Variants in PNOC observed in about 807,000 individuals in gnomAD.
PNOC encodes the protein nociceptin.
In PNOC, 10 loss-of-function variants were observed where a neutral mutation model predicts 15.6. The observed-to-expected ratio is 0.64, with a 90% CI of 0.40 to 1.09. The LOEUF is 1.09. PNOC is among the 50% of genes least tolerant of loss of function. The probability of loss-of-function intolerance (pLI) is 0.01; values close to 1 mark genes in which losing one functional copy is unlikely to be tolerated. For synonymous variants in PNOC, 98 were observed against 88.5 expected (o/e 1.11, Z -0.60); for missense variants, 220 against 223.9 (o/e 0.98, Z 0.11).
intron 2 of PNOC, among the ~76,000 whole-genome samples, chr8:28,330,400 T>TTTTTTTA (rs1801309201): frequency 3.9e-5 from 4 of 102,228 alleles, no homozygotes; most frequent in Admixed American, 2.1e-4. Context: ...TATTTTATTT[T>TTTTTTTA]TTTTTTTTTT....
At position 28,338,670 on chromosome 8, in the gene PNOC, G is replaced by A. The variant is rs576902675; in HGVS notation, c.127-370G>A. 5.9e-6 allele frequency: 6 copies of A among 1,010,800 alleles called. No homozygotes were observed. The East Asian group carries it at 4.9e-4, about 83-fold the overall frequency. The allele number at this position is 1,010,800 out of a possible 1,614,324, so 62.6% of individuals were successfully genotyped here. ...GAGAGAACAAAATAAAATTCTTTAT[G>A]GGTGACAGTCATGAGCTGTGCTTGG... On this transcript the variant is annotated intron_variant, in intron 2 of 3. Transcript: ENST00000301908.
intron 2 of PNOC, among the ~76,000 whole-genome samples, chr8:28,334,035 C>G (rs942786231): frequency 4.0e-5 from 6 of 149,464 alleles, no homozygotes; most frequent in African/African-American, 1.5e-4. Context: ...CATCCCTGGC[C>G]TCTAGGTGCC....
rs1801554155 is a variant in PNOC at position 28,343,156 on chromosome 8, G to A, written c.*262G>A. On this transcript the variant is annotated 3_prime_UTR_variant, in exon 4 of 4. Transcript: ENST00000301908. ...AGAGTGTATTTTTGTAATTCCTCTA[G>A]CTACCATTTCAATAGCCCCATCTCT... 1 of 206,180 alleles carries A rather than the reference G, an allele frequency of 4.9e-6. No individual in the cohort carries two copies. The highest frequency in any genetic ancestry group is 8.5e-6 in the Non-Finnish European group (1 of 117,056). 12.8% of individuals were successfully genotyped at this position (206,180 alleles called of 1,614,324 possible). A position where few individuals can be genotyped will look rare whatever the true frequency, so the allele number is the denominator to read the frequency against.
intron 3 of PNOC, chr8:28,339,712 G>C (rs1242137552): frequency 2.7e-5 from 10 of 368,680 alleles, no homozygotes; most frequent in Non-Finnish European, 9.7e-6. Context: ...GGTTACCATG[G>C]GGATAATAGT....
At chr8:28,330,406 T>TTTATTTTA (rs1563328736) in intron 2 of PNOC, among the ~76,000 whole-genome samples, 3 of 98,206 alleles carry the variant, frequency 3.1e-5, no homozygotes, top group African/African-American at 1.7e-4. Context: ...ATTTTTTTTT[T>TTTATTTTA]TTTTTTGAGA....
intron 1 of PNOC, among the ~76,000 whole-genome samples, chr8:28,318,523 C>G (rs1344844066): frequency 6.6e-6 from 1 of 152,256 alleles, no homozygotes; most frequent in Non-Finnish European, 1.5e-5. Flanking sequence ...AAAGCAAATA[C>G]TGCTCTTTTT....
chr8:28,341,829 G>T (rs1378864577), intron 3 of PNOC, among the ~76,000 whole-genome samples: 1 of 152,130 alleles, frequency 6.6e-6, no homozygotes, highest in African/African-American at 2.4e-5. Flanking sequence ...TGCACAGTTG[G>T]TGAGTTCCAA....
At chr8:28,322,833 C>A (rs149817601) in intron 1 of PNOC, among the ~76,000 whole-genome samples, 1 of 152,142 alleles carries the variant, frequency 6.6e-6, no homozygotes, top group Non-Finnish European at 1.5e-5. Context: ...ACTTATAAAC[C>A]GGATGATCCT....
chr8:28,322,234 C>CA (rs914540370), intron 1 of PNOC, among the ~76,000 whole-genome samples: 4 of 151,118 alleles, frequency 2.6e-5, no homozygotes, highest in Non-Finnish European at 4.4e-5. Context: ...ACTAAAAATA[C>CA]AAAAAAAATT....
chr8:28,337,651 C>T (rs1231150065), intron 2 of PNOC, among the ~76,000 whole-genome samples: 12 of 145,492 alleles, frequency 8.2e-5, no homozygotes, highest in Admixed American at 1.4e-4. Context: ...GGCACGATCT[C>T]GGTTCACTGC....
intron 1 of PNOC, among the ~76,000 whole-genome samples, chr8:28,325,672 G>GAAAA (rs558412916): frequency 1.1e-5 from 1 of 94,482 alleles, no homozygotes; most frequent in Non-Finnish European, 2.5e-5. Context: ...AAAAGAAAAA[G>GAAAA]AAAAAAAAAA....
At chr8:28,330,400 T>TTTTTTTTTTTTTTTA (rs869258665) in intron 2 of PNOC, among the ~76,000 whole-genome samples, 9 of 102,224 alleles carry the variant, frequency 8.8e-5, no homozygotes, top group Non-Finnish European at 1.8e-4. Context: ...TATTTTATTT[T>TTTTTTTTTTTTTTTA]TTTTTTTTTT....
chr8:28,319,587 G>T (rs1037244763), intron 1 of PNOC, among the ~76,000 whole-genome samples: 2 of 152,180 alleles, frequency 1.3e-5, no homozygotes, highest in Admixed American at 6.5e-5. Flanking sequence ...GCTTGTCTAC[G>T]TGCTTATTTC....
chr8:28,331,667 C>A (rs1366785571), intron 2 of PNOC, among the ~76,000 whole-genome samples: 3 of 150,354 alleles, frequency 2.0e-5, no homozygotes, highest in Admixed American at 6.6e-5. Context: ...ACAGCCTCCT[C>A]CCCCATCCAT....
At chr8:28,328,068 T>C (rs1342059640) in intron 1 of PNOC, among the ~76,000 whole-genome samples, 4 of 135,302 alleles carry the variant, frequency 3.0e-5, no homozygotes, top group Non-Finnish European at 4.7e-5. Flanking sequence ...TCTTTTTTTT[T>C]TTTTTTTTTT....
At chr8:28,338,129 A>G (rs2129901908) in intron 2 of PNOC, among the ~76,000 whole-genome samples, 1 of 152,306 alleles carries the variant, frequency 6.6e-6, no homozygotes, top group East Asian at 1.9e-4. Context: ...TGGGGTTTCC[A>G]GCCGGCTAAG....
At chr8:28,334,293 T>C (rs1801376637) in intron 2 of PNOC, among the ~76,000 whole-genome samples, 3 of 152,318 alleles carry the variant, frequency 2.0e-5, no homozygotes, top group South Asian at 2.1e-4. Context: ...ACTCTTTCTC[T>C]GTAGGAGTCT....
At chr8:28,338,516 C>A (rs755903252) in intron 2 of PNOC, 12 of 805,640 alleles carry the variant, frequency 1.5e-5, no homozygotes, top group Non-Finnish European at 1.8e-5. Flanking sequence ...GACTGCTGTA[C>A]GCGGGATGAA....
chr8:28,338,472 C>A (rs1484678078), intron 2 of PNOC: 15 of 469,158 alleles, frequency 3.2e-5, no homozygotes, highest in Non-Finnish European at 3.9e-5. Context: ...AGGGTCTTGA[C>A]CCCATTTGCT....
Sources: allele counts gnomAD v4.1 joint callset (sites outside exome capture counted in the v4.1 genomes callset), GRCh38; gene constraint gnomAD v4.1.1; transcripts MANE v1.5; gene names NCBI Gene and HGNC (gene_info 2026-07-23, HGNC 2026-07-21).